BAIAP3: variants seen among roughly 807,000 people sequenced by gnomAD.
The protein encoded by BAIAP3 is BAI1 associated protein 3.
BAIAP3 carries 180 observed loss-of-function variants against 149.7 expected under a neutral mutation model. The ratio of observed to expected loss-of-function variants is 1.20; its 90% CI spans 1.07 to 1.36. The LOEUF (loss-of-function observed/expected upper bound fraction) is 1.36, where lower values mean the gene tolerates loss of function less well. Among genes scored for constraint, BAIAP3 ranks in the 40% most tolerant of loss-of-function variants. The pLI, the probability that BAIAP3 is intolerant of heterozygous loss-of-function variation, is 0.00. For missense variants in BAIAP3, 1,767 were observed against 1,563.4 expected (o/e 1.13, Z -2.20); for synonymous variants, 845 against 670.7 (o/e 1.26, Z -4.02).
chr16:1,345,682 C>T (rs868198481), intron 22 of BAIAP3, 65 bp from the exon 23 acceptor site: 28 of 551,862 alleles, frequency 5.1e-5, no homozygotes, highest in South Asian at 3.0e-4. Context: ...CCACAACCCC[C>T]GCCTCCCCCA....
intron 1 of BAIAP3, among the ~76,000 whole-genome samples, chr16:1,337,713 G>A (rs1454817123): frequency 6.6e-6 from 1 of 152,214 alleles, no homozygotes; most frequent in Non-Finnish European, 1.5e-5. Context: ...CTGACAGGTT[G>A]GCTCAGTTGT....
At position 1,341,501 on chromosome 16, in the gene BAIAP3, G is replaced by T; in HGVS notation, c.731+12G>T. 1 of 1,600,214 alleles carries T rather than the reference G, an allele frequency of 6.2e-7. No homozygotes were observed. Among genetic ancestry groups the T allele is most frequent in the Non-Finnish European group, 8.5e-7 (1 of 1,170,986 alleles). ...GAGCACTTCCTCTTGTGAGGCCCTC[G>T]CCCGTCTGGGTGCGGGAGGGGGGCT... On this transcript the variant is annotated intron_variant, in intron 8 of 33. Transcript: ENST00000426824.
At chr16:1,338,502 G>T in intron 1 of BAIAP3, 38 bp from the exon 2 acceptor site, 2 of 1,564,906 alleles carry the variant, frequency 1.3e-6, no homozygotes, top group Non-Finnish European at 8.7e-7. Context: ...AGGGTTGAGT[G>T]GACGACCTGA....
At position 1,345,263 on chromosome 16, in the gene BAIAP3, T is replaced by C. The variant is rs773666102; in HGVS notation, c.1955T>C (p.Leu652Pro). ...DSIPGRDSRS[L>P]ALAGIHAPFL... Reference sequence around the variant, plus strand: ...TCCCACCACAGGGACAGCCGCTCTCTGGCCCTGGCTGGCATCCACGCCCCC... The same window carrying C: ...TCCCACCACAGGGACAGCCGCTCTCCGGCCCTGGCTGGCATCCACGCCCCC... Residue 652 changes from leucine (L) to proline (P), a missense_variant, in exon 22 of 34, where the codon CTG becomes CCG. By Grantham distance (98) the Leu-to-Pro change is moderately conservative (BLOSUM62 -3). Coordinates refer to ENST00000426824, the MANE Select transcript of BAIAP3 (RefSeq NM_001199097.2). 4.3e-6 allele frequency: 7 copies of C among 1,612,958 alleles called. No individual in the cohort carries two copies. In the African/African-American group the frequency reaches 9.3e-5, roughly 22 times the overall value.
intron 19 of BAIAP3, 24 bp from the exon 20 acceptor site, chr16:1,344,774 T>C (rs1461695091): frequency 1.2e-6 from 2 of 1,613,734 alleles, no homozygotes; most frequent in Admixed American, 3.3e-5. Flanking sequence ...CGCAGGTGGA[T>C]GAGGTGTGTC....
chr16:1,348,102 G>T lies in BAIAP3; in HGVS notation c.3156G>T (p.Val1052=). 1 of 1,602,648 alleles carries T rather than the reference G, an allele frequency of 6.2e-7. No homozygotes were observed. Residue 1052 remains valine (V), a synonymous_variant, in exon 33 of 34, where the codon GTG becomes GTT. Transcript: ENST00000426824. ...GACTGGCCTCTGTCCGCAGTTCCGT[G>T]CCTGCCGAGGCGTGCCGCCGCCGCG... ...PVYDELFYFS[V]PAEACRRRAA...
chr16:1,348,999 A>G lies in BAIAP3; in HGVS notation c.*517A>G. 7.2e-6 allele frequency: 2 copies of G among 276,194 alleles called. No individual in the cohort carries two copies. The highest frequency in any genetic ancestry group is 1.4e-5 in the Non-Finnish European group (2 of 142,876). The allele number at this position is 276,194 out of a possible 1,614,324, so 17.1% of individuals were successfully genotyped here. A position where few individuals can be genotyped will look rare whatever the true frequency, so the allele number is the denominator to read the frequency against. ...AGGGCAGGTGAGTCAAGAACCGCATAGGTCTCCAGTCCCCACGGGGCTCCC... is the reference window on the plus strand; with the variant it reads ...AGGGCAGGTGAGTCAAGAACCGCATGGGTCTCCAGTCCCCACGGGGCTCCC... On this transcript the variant is annotated 3_prime_UTR_variant, in exon 34 of 34. Coordinates refer to ENST00000426824, the MANE Select transcript of BAIAP3 (RefSeq NM_001199097.2).
In BAIAP3 at chr16:1,349,295, T is replaced by C. The variant is rs1171940570; in HGVS notation, c.*813T>C. The C allele has an allele frequency of 2.2e-6, 2 of 916,644 alleles. No homozygotes were observed. Among genetic ancestry groups the C allele is most frequent in the Admixed American group, 1.9e-5 (1 of 53,514 alleles). 56.8% of individuals were successfully genotyped at this position (916,644 alleles called of 1,614,324 possible). A position where few individuals can be genotyped will look rare whatever the true frequency, so the allele number is the denominator to read the frequency against. On this transcript the variant is annotated 3_prime_UTR_variant, in exon 34 of 34. Coordinates refer to ENST00000426824, the MANE Select transcript of BAIAP3 (RefSeq NM_001199097.2). ...GCCGAGGCAGGACACAGAGCACAGC[T>C]GTGCTGGAAGTGTGGGGAGAACCCG... is the stretch of plus-strand genomic sequence containing the variant.
Position 1,347,934 on chromosome 16 carries a change from G to T in BAIAP3, c.3066G>T (p.Pro1022=). The change falls in exon 32 of 34, where the codon CCG becomes CCT. Residue 1022 remains proline, a synonymous_variant. Coordinates refer to ENST00000426824, the MANE Select transcript of BAIAP3 (RefSeq NM_001199097.2). ...TTGTGATCGTGGAGCTGGGCCCACC[G>T]CATCTCTTTCCACTGGTCCGCAGCC... ...DPFVIVELGP[P]HLFPLVRSQR... 1 of 1,611,962 alleles carries T rather than the reference G, an allele frequency of 6.2e-7. No homozygotes were observed.
chr16:1,344,343 C>G (rs185785616), intron 17 of BAIAP3, 26 bp downstream of exon 17: 3 of 1,613,240 alleles, frequency 1.9e-6, no homozygotes, highest in Non-Finnish European at 2.5e-6. Context: ...CAGTGGAGGC[C>G]GGCTGCTAAG....
chr16:1,340,266 C>T (rs2033821426), intron 5 of BAIAP3, among the ~76,000 whole-genome samples: 3 of 140,110 alleles, frequency 2.1e-5, no homozygotes, highest in African/African-American at 5.4e-5. Flanking sequence ...CGCACACAGG[C>T]TGCAGGTGCA....
At chr16:1,336,498 C>CCGAGCCCTGGGTG in intron 1 of BAIAP3, 1 of 688,638 alleles carries the variant, frequency 1.5e-6, no homozygotes, top group Non-Finnish European at 1.8e-6. Flanking sequence ...GAGCCTGCAC[C>CCGAGCCCTGGGTG]CAGGGCTCGG....
In BAIAP3 at chr16:1,345,387, G is replaced by A. The variant is rs1472958106; in HGVS notation, c.2064+15G>A. 6.2e-7 allele frequency: 1 copy of A among 1,606,350 alleles called. No homozygotes were observed. Among genetic ancestry groups the A allele is most frequent in the Non-Finnish European group, 8.5e-7 (1 of 1,176,320 alleles). Reference sequence around the variant, plus strand: ...ACATGGACACGGTGACAGCTGCCCTGGCCTGAGGACACTGGGGCTGGTCCA... The same window carrying A: ...ACATGGACACGGTGACAGCTGCCCTAGCCTGAGGACACTGGGGCTGGTCCA... On this transcript the variant is annotated intron_variant, in intron 22 of 33. Transcript: ENST00000426824.
intron 1 of BAIAP3, chr16:1,334,831 G>A (rs1253391189): frequency 2.2e-6 from 3 of 1,387,516 alleles, no homozygotes; most frequent in Non-Finnish European, 3.0e-6. Context: ...GAGGGAGGAA[G>A]AGCAGGGAAG....
chr16:1,341,572 G>T, intron 8 of BAIAP3, 83 bp downstream of exon 8: 1 of 1,487,874 alleles, frequency 6.7e-7, no homozygotes, highest in Non-Finnish European at 9.1e-7. Flanking sequence ...GTGGTGGCTC[G>T]CAGCAGCTCC....
In BAIAP3 at chr16:1,349,322, A is replaced by G. The variant is rs1273147617; in HGVS notation, c.*840A>G. ...TGCTGGAAGTGTGGGGAGAACCCGG[A>G]CAGCTCAGTCCTGCCAGCAGCCGCA... On this transcript the variant is annotated 3_prime_UTR_variant, in exon 34 of 34. Coordinates refer to ENST00000426824, the MANE Select transcript of BAIAP3 (RefSeq NM_001199097.2). The G allele has an allele frequency of 1.7e-6, 2 of 1,176,208 alleles. No individual in the cohort carries two copies. The highest frequency in any genetic ancestry group is 2.5e-6 in the Non-Finnish European group (2 of 785,970). 72.9% of individuals were successfully genotyped at this position (1,176,208 alleles called of 1,614,324 possible).
chr16:1,345,377 C>G lies in BAIAP3; in HGVS notation c.2064+5C>G, dbSNP rs770199387. 1 of 1,610,936 alleles carries G rather than the reference C, an allele frequency of 6.2e-7. No individual in the cohort carries two copies. ...GGAGCCGTGGACATGGACACGGTGA[C>G]AGCTGCCCTGGCCTGAGGACACTGG... On this transcript the variant is annotated splice_donor_5th_base_variant and intron_variant, in intron 22 of 33. Transcript: ENST00000426824.
chr16:1,340,025 CACAG>C (rs1206097814), intron 5 of BAIAP3, among the ~76,000 whole-genome samples: 6 of 143,716 alleles, frequency 4.2e-5, no homozygotes, highest in Admixed American at 4.1e-4. Context: ...TGCAGGTGCA[CACAG>C]ACACACGCAC....
chr16:1,342,338 C>T, intron 11 of BAIAP3, 55 bp downstream of exon 11: 6 of 1,564,484 alleles, frequency 3.8e-6, no homozygotes, highest in South Asian at 3.4e-5. Context: ...TGGGGAGTGT[C>T]CCAGCCTTCA....
Sources: gnomAD v4.1 joint callset for allele counts (sites outside exome capture counted in the v4.1 genomes callset) on GRCh38, gnomAD v4.1.1 for gene constraint, MANE v1.5 for transcripts, NCBI Gene and HGNC (gene_info 2026-07-23, HGNC 2026-07-21) for gene names.